Variants in PDE7A observed in about 807,000 individuals in gnomAD.
PDE7A encodes phosphodiesterase 7A.
Under a neutral mutation model 64.3 loss-of-function variants are expected in PDE7A, and 39 were observed. The ratio of observed to expected loss-of-function variants is 0.61; its 90% CI spans 0.47 to 0.79. The LOEUF is 0.79. Ranked by LOEUF, PDE7A falls within the 30% of genes least tolerant of loss-of-function variation. PDE7A has a pLI of 0.00. For synonymous variants in PDE7A, 203 were observed against 206.8 expected, an observed-to-expected ratio of 0.98 and a Z score of 0.16; for missense variants, 470 against 582.8, an observed-to-expected ratio of 0.81 and a Z score of 1.99.
At chr8:65,728,638 T>C (rs1002389108) in intron 7 of PDE7A, 1 of 149,086 alleles carries the variant, frequency 6.7e-6, no homozygotes, top group Non-Finnish European at 1.5e-5. Flanking sequence ...ATGCATAGGA[T>C]ATAAAGCATA....
intron 7 of PDE7A, among the ~76,000 whole-genome samples, chr8:65,731,357 A>G (rs1274105628): frequency 2.0e-5 from 3 of 152,200 alleles, no homozygotes; most frequent in Non-Finnish European, 2.9e-5. Context: ...TGCCAGGGAC[A>G]AGTAGAGCAA....
chr8:65,813,318 A>T (rs569541428), intron 1 of PDE7A, among the ~76,000 whole-genome samples: 6 of 151,328 alleles, frequency 4.0e-5, no homozygotes, highest in African/African-American at 1.2e-4. Flanking sequence ...AAGTACTATT[A>T]AAAAAAAATA....
chr8:65,782,733 C>A, intron 2 of PDE7A, 50 bp downstream of exon 2: 1 of 980,510 alleles, frequency 1.0e-6, no homozygotes, highest in Non-Finnish European at 1.6e-6. Context: ...CAAATAACAA[C>A]AGGTAATAAC....
chr8:65,743,475 C>G (rs897033587), intron 5 of PDE7A, among the ~76,000 whole-genome samples: 8 of 152,278 alleles, frequency 5.3e-5, no homozygotes, highest in Admixed American at 4.6e-4. Context: ...GAGGGTGGCT[C>G]TGCTGATAAA....
intron 1 of PDE7A, among the ~76,000 whole-genome samples, chr8:65,809,479 A>G (rs1810190757): frequency 6.6e-6 from 1 of 152,232 alleles, no homozygotes; most frequent in Non-Finnish European, 1.5e-5. Flanking sequence ...TTACCACAAC[A>G]TGACACTAGA....
chr8:65,829,392 T>C (rs1810757902), intron 1 of PDE7A, among the ~76,000 whole-genome samples: 1 of 152,146 alleles, frequency 6.6e-6, no homozygotes, highest in Non-Finnish European at 1.5e-5. Flanking sequence ...AACTCAGATA[T>C]TTTCAGAACT....
intron 1 of PDE7A, among the ~76,000 whole-genome samples, chr8:65,798,433 C>A (rs1054414892): frequency 7.2e-5 from 11 of 151,952 alleles, no homozygotes; most frequent in African/African-American, 2.7e-4. Context: ...TGGTCTCGAA[C>A]TCCTGAGTTC....
intron 1 of PDE7A, among the ~76,000 whole-genome samples, chr8:65,832,072 G>A (rs1299972551): frequency 6.6e-6 from 1 of 152,122 alleles, no homozygotes; most frequent in Non-Finnish European, 1.5e-5. Context: ...ACACAATTAA[G>A]ATAATCTGTA....
intron 3 of PDE7A, among the ~76,000 whole-genome samples, chr8:65,766,380 C>T (rs745797146): frequency 3.9e-5 from 6 of 152,200 alleles, no homozygotes; most frequent in Admixed American, 1.3e-4. Context: ...GGAATATTTG[C>T]GACTCTTACT....
intron 1 of PDE7A, among the ~76,000 whole-genome samples, chr8:65,838,217 C>T (rs1810995524): frequency 6.6e-6 from 1 of 152,138 alleles, no homozygotes; most frequent in South Asian, 2.1e-4. Context: ...TCACATCTAC[C>T]AAGAACCTAC....
intron 3 of PDE7A, among the ~76,000 whole-genome samples, chr8:65,749,567 CTGTT>C (rs1295983628): frequency 1.3e-5 from 2 of 152,210 alleles, no homozygotes; most frequent in African/African-American, 4.8e-5. Flanking sequence ...TAGAATTGGT[CTGTT>C]TGAAGAAATT....
At chr8:65,786,126 C>T (rs1809551303) in intron 1 of PDE7A, among the ~76,000 whole-genome samples, 1 of 151,980 alleles carries the variant, frequency 6.6e-6, no homozygotes, top group Non-Finnish European at 1.5e-5. Context: ...GCAAAAAAGG[C>T]AGAGTTTAAT....
chr8:65,755,980 TG>T (rs1426443750), intron 3 of PDE7A, among the ~76,000 whole-genome samples: 1 of 152,236 alleles, frequency 6.6e-6, no homozygotes, highest in African/African-American at 2.4e-5. Context: ...TTTGTTTGTC[TG>T]GAAATATGTT....
rs891215322 is a variant in PDE7A at position 65,805,135 on chromosome 8, C to G, written c.139-22292G>C. Reference sequence around the variant, plus strand: ...TTGGGATTACAGGTATAACACTGTGCCCAGCCAAAGCTGAAAGTTTTAATT... The same window carrying G: ...TTGGGATTACAGGTATAACACTGTGGCCAGCCAAAGCTGAAAGTTTTAATT... On this transcript the variant is annotated intron_variant, in intron 1 of 12. Coordinates refer to ENST00000401827, the MANE Select transcript of PDE7A (RefSeq NM_001242318.3). Among the ~76,000 whole-genome samples the G allele has an allele frequency of 1.2e-4, 19 of 152,178 alleles. 2 individuals are homozygous for G. The highest frequency in any genetic ancestry group is 1.1e-3 in the Admixed American group (17 of 15,276).
chr8:65,741,401 T>C (rs1203316625), intron 5 of PDE7A, among the ~76,000 whole-genome samples: 1 of 152,192 alleles, frequency 6.6e-6, no homozygotes, highest in Non-Finnish European at 1.5e-5. Context: ...TAAAGGACTG[T>C]TTGGTTAACC....
At position 65,798,751 on chromosome 8, in the gene PDE7A, C is replaced by T. The variant is rs564360772; in HGVS notation, c.139-15908G>A. On this transcript the variant is annotated intron_variant, in intron 1 of 12. Coordinates refer to ENST00000401827, the MANE Select transcript of PDE7A (RefSeq NM_001242318.3). ...TATCAAGGATGTGGAGCAATTAGAA[C>T]GCTCATGCTAATTAAAATGTATATA... Among the ~76,000 whole-genome samples the T allele has an allele frequency of 1.1e-3, 161 of 152,190 alleles. 1 individual carries two copies. The highest frequency in any genetic ancestry group is 3.4e-4 in the Non-Finnish European group (23 of 68,004).
intron 3 of PDE7A, among the ~76,000 whole-genome samples, chr8:65,749,409 A>G (rs1807831193): frequency 6.6e-6 from 1 of 152,180 alleles, no homozygotes; most frequent in Non-Finnish European, 1.5e-5. Context: ...TACTTCTCCC[A>G]TTTTTCATTC....
intron 1 of PDE7A, among the ~76,000 whole-genome samples, chr8:65,840,599 T>G (rs989936102): frequency 6.6e-6 from 1 of 152,210 alleles, no homozygotes; most frequent in Non-Finnish European, 1.5e-5. Flanking sequence ...TCTTTTCACC[T>G]CTCTGTTTTA....
chr8:65,816,708 C>G (rs1810412458), intron 1 of PDE7A, among the ~76,000 whole-genome samples: 1 of 152,210 alleles, frequency 6.6e-6, no homozygotes, highest in Non-Finnish European at 1.5e-5. Flanking sequence ...GAGAAAGCAG[C>G]CCTTAGTCAT....
Sources: gnomAD v4.1 joint callset for allele counts (sites outside exome capture counted in the v4.1 genomes callset) on GRCh38, gnomAD v4.1.1 for gene constraint, MANE v1.5 for transcripts, NCBI Gene and HGNC (gene_info 2026-07-23, HGNC 2026-07-21) for gene names.